Variants in TRIO observed in about 807,000 individuals in gnomAD.
TRIO encodes the protein trio Rho guanine nucleotide exchange factor, also known as triple functional domain protein.
Under a neutral mutation model 351.9 loss-of-function variants are expected in TRIO, and 58 were observed. The ratio of observed to expected loss-of-function variants is 0.16; its 90% confidence interval spans 0.13 to 0.21. The LOEUF (loss-of-function observed/expected upper bound fraction) is 0.21, where lower values mean the gene tolerates loss of function less well. Among genes scored for constraint, TRIO ranks in the 10% least tolerant of loss-of-function variants. The pLI is 1.00. For synonymous variants in TRIO, 1,758 were observed against 1,595.7 expected (o/e 1.10, Z -2.42); for missense variants, 3,201 against 4,027.8 (o/e 0.79, Z 5.56).
At chr5:14,268,349 A>G (rs1795805588) in intron 1 of TRIO, among the ~76,000 whole-genome samples, 2 of 152,230 alleles carry the variant, frequency 1.3e-5, no homozygotes, top group Non-Finnish European at 1.5e-5. Context: ...GAAAGTTAGC[A>G]GTAATTGTCA....
rs1173121592 is a variant in TRIO at position 14,396,443 on chromosome 5, C to CTTTTTTTTTTTTTTTTTTTTTT, written c.4312-577_4312-556dup. Among the ~76,000 whole-genome samples the CTTTTTTTTTTTTTTTTTTTTTT allele has an allele frequency of 1.7e-4, 7 of 41,552 alleles. 2 individuals carry two copies. Among genetic ancestry groups the CTTTTTTTTTTTTTTTTTTTTTT allele is most frequent in the Admixed American group, 4.8e-4 (1 of 2,092 alleles). The allele number at this position is 41,552 out of a possible 152,430, so 27.3% of individuals were successfully genotyped here. A position where few individuals can be genotyped will look rare whatever the true frequency, so the allele number is the denominator to read the frequency against. ...ATAATAATTAAATATTTCTATTTAT[C>CTTTTTTTTTTTTTTTTTTTTTT]TTTTTTTTTTTTTTTTTTTTTTTTT... On this transcript the variant is annotated intron_variant, in intron 28 of 56. Coordinates refer to ENST00000344204, the MANE Select transcript of TRIO (RefSeq NM_007118.4).
chr5:14,209,339 C>T (rs959975055), intron 1 of TRIO, among the ~76,000 whole-genome samples: 1 of 152,170 alleles, frequency 6.6e-6, no homozygotes, highest in Non-Finnish European at 1.5e-5. Context: ...CATATTGGAA[C>T]GTTTTAGACA....
Position 14,341,097 on chromosome 5 carries a change from A to C in TRIO, c.2046+4370A>C, listed in dbSNP as rs545721038. 4.6e-5 allele frequency among the ~76,000 whole-genome samples: 7 copies of C among 152,258 alleles called. No individual in the cohort carries two copies. The East Asian group carries it at 1.4e-3, about 29-fold the overall frequency. On this transcript the variant is annotated intron_variant, in intron 11 of 56. Coordinates refer to ENST00000344204, the MANE Select transcript of TRIO (RefSeq NM_007118.4). Reference sequence around the variant, plus strand: ...GACATAAGTTTGGGTTTGATTTGGGAGGATCTTTCTCCTCCTACACGTTGT... The same window carrying C: ...GACATAAGTTTGGGTTTGATTTGGGCGGATCTTTCTCCTCCTACACGTTGT...
chr5:14,197,066 A>C (rs776826241), intron 1 of TRIO, among the ~76,000 whole-genome samples: 3 of 152,200 alleles, frequency 2.0e-5, no homozygotes, highest in Non-Finnish European at 4.4e-5. Flanking sequence ...GGAAGAATGG[A>C]GGCCTGATAA....
chr5:14,389,495 T>G, intron 25 of TRIO, 97 bp downstream of exon 25: 2 of 855,270 alleles, frequency 2.3e-6, no homozygotes, highest in South Asian at 3.9e-5. Context: ...TAAGCAGATT[T>G]CAGTGATTTT....
intron 16 of TRIO, among the ~76,000 whole-genome samples, chr5:14,367,545 A>G (rs1579445845): frequency 6.6e-6 from 1 of 152,248 alleles, no homozygotes; most frequent in Non-Finnish European, 1.5e-5. Context: ...AACTGTCGCA[A>G]AATGACTCAG....
chr5:14,419,377 C>G (rs147402077), intron 33 of TRIO, among the ~76,000 whole-genome samples: 2 of 152,260 alleles, frequency 1.3e-5, no homozygotes, highest in East Asian at 3.9e-4. Context: ...CCAAGGGATG[C>G]TTAAAGAGCC....
chr5:14,430,712 T>C (rs1373014947), intron 34 of TRIO, among the ~76,000 whole-genome samples: 1 of 143,446 alleles, frequency 7.0e-6, no homozygotes, highest in Non-Finnish European at 1.5e-5. Context: ...TTATTTTATT[T>C]TATTTTATTT....
At position 14,388,688 on chromosome 5, in the gene TRIO, G is replaced by GTTTTTTTTTTTTTTTTTT; in HGVS notation, c.3948+10_3948+27dup. ...TCCGGGAATGTATGGATGTAAGTAA[G>GTTTTTTTTTTTTTTTTTT]TTTTTTTTTTTTTTTTTTGCTTGTT... On this transcript the variant is annotated intron_variant, in intron 24 of 56. Transcript: ENST00000344204. The GTTTTTTTTTTTTTTTTTT allele has an allele frequency of 2.1e-6, 3 of 1,440,392 alleles. No individual in the cohort carries two copies. Among genetic ancestry groups the GTTTTTTTTTTTTTTTTTT allele is most frequent in the African/African-American group, 1.6e-5 (1 of 63,216 alleles). 89.2% of individuals were successfully genotyped at this position (1,440,392 alleles called of 1,614,324 possible). A position where few individuals can be genotyped will look rare whatever the true frequency, so the allele number is the denominator to read the frequency against.
At chr5:14,348,787 T>G (rs1481970692) in intron 11 of TRIO, among the ~76,000 whole-genome samples, 1 of 103,288 alleles carries the variant, frequency 9.7e-6, no homozygotes, top group Non-Finnish European at 2.4e-5. Flanking sequence ...CCTGCATGTT[T>G]GTGTGTGTAC....
intron 56 of TRIO, among the ~76,000 whole-genome samples, 184 bp downstream of exon 56, chr5:14,507,444 C>T (rs1403657707): frequency 6.6e-6 from 1 of 152,198 alleles, no homozygotes; most frequent in Non-Finnish European, 1.5e-5. Flanking sequence ...CAGTGATGCA[C>T]ACGGTCAGGA....
chr5:14,438,979 G>A (rs1005306335), intron 34 of TRIO, among the ~76,000 whole-genome samples: 2 of 152,134 alleles, frequency 1.3e-5, no homozygotes, highest in Non-Finnish European at 2.9e-5. Flanking sequence ...TCATCTGTGC[G>A]ATGCTACACC....
chr5:14,222,987 T>A (rs1250775860), intron 1 of TRIO, among the ~76,000 whole-genome samples: 1 of 152,126 alleles, frequency 6.6e-6, no homozygotes, highest in African/African-American at 2.4e-5. Flanking sequence ...TTGTTGAAAA[T>A]GATAGTGTTG....
At chr5:14,411,802 G>T (rs1386049684) in intron 33 of TRIO, among the ~76,000 whole-genome samples, 1 of 151,544 alleles carries the variant, frequency 6.6e-6, no homozygotes, top group Non-Finnish European at 1.5e-5. Context: ...AGACAGTATC[G>T]AACTGTGTTT....
chr5:14,461,787 A>G (rs894660857), intron 35 of TRIO, among the ~76,000 whole-genome samples: 4 of 152,176 alleles, frequency 2.6e-5, no homozygotes, highest in Admixed American at 1.3e-4. Flanking sequence ...GCACTTTCCA[A>G]TTGTTTTTCC....
At chr5:14,383,400 G>A (rs1049501789) in intron 21 of TRIO, among the ~76,000 whole-genome samples, 1 of 152,180 alleles carries the variant, frequency 6.6e-6, no homozygotes, top group African/African-American at 2.4e-5. Flanking sequence ...CATGGGGGAT[G>A]TGATGTACAC....
At chr5:14,282,975 GC>G (rs1271976014) in intron 3 of TRIO, among the ~76,000 whole-genome samples, 2 of 152,122 alleles carry the variant, frequency 1.3e-5, no homozygotes, top group African/African-American at 4.8e-5. Context: ...GAAAGAAGTG[GC>G]CACAAAGTGA....
intron 1 of TRIO, among the ~76,000 whole-genome samples, chr5:14,229,765 G>A (rs183962189): frequency 8.5e-5 from 13 of 152,178 alleles, no homozygotes; most frequent in Admixed American, 5.9e-4. Flanking sequence ...CGAAAATAGC[G>A]CTTTAACTCA....
At chr5:14,200,574 A>G (rs1791047836) in intron 1 of TRIO, among the ~76,000 whole-genome samples, 1 of 152,144 alleles carries the variant, frequency 6.6e-6, no homozygotes, top group East Asian at 1.9e-4. Context: ...CGGGTTTAGC[A>G]TTTTCCCCCA....
Sources: allele counts gnomAD v4.1 joint callset (sites outside exome capture counted in the v4.1 genomes callset), GRCh38; gene constraint gnomAD v4.1.1; transcripts MANE v1.5; gene names NCBI Gene and HGNC (gene_info 2026-07-23, HGNC 2026-07-21).